EGFLAM: variants seen among roughly 807,000 people sequenced by gnomAD.
The protein encoded by EGFLAM is pikachurin.
In EGFLAM, 79 loss-of-function variants were observed where a neutral mutation model predicts 113.1. The ratio of observed to expected loss-of-function variants is 0.70; its 90% CI spans 0.58 to 0.84. The LOEUF is 0.84. EGFLAM is among the 40% of genes least tolerant of loss of function. The pLI, the probability that EGFLAM is intolerant of heterozygous loss-of-function variation, is 0.00. For synonymous variants in EGFLAM, 504 were observed against 487.6 expected (o/e 1.03, Z -0.44); for missense variants, 1,265 against 1,291.6 (o/e 0.98, Z 0.32).
chr5:38,305,356 C>A lies in EGFLAM; in HGVS notation c.98-32164C>A. 8.4e-6 allele frequency: 3 copies of A among 359,034 alleles called. No individual in the cohort carries two copies. The Middle Eastern group carries it at 1.1e-3, about 134-fold the overall frequency. 22.2% of individuals were successfully genotyped at this position (359,034 alleles called of 1,614,324 possible). A position where few individuals can be genotyped will look rare whatever the true frequency, so the allele number is the denominator to read the frequency against. ...GGAAAATTATTTCTAACCTAGAATTCCATACCCAGCCAAACTATCAATGAA... is the reference window on the plus strand; with the variant it reads ...GGAAAATTATTTCTAACCTAGAATTACATACCCAGCCAAACTATCAATGAA... On this transcript the variant is annotated intron_variant, in intron 1 of 21. Transcript: ENST00000322350.
chr5:38,344,633 G>A (rs1739429774), intron 3 of EGFLAM, among the ~76,000 whole-genome samples: 1 of 152,142 alleles, frequency 6.6e-6, no homozygotes, highest in African/African-American at 2.4e-5. Context: ...AATGAGATGT[G>A]CATTTACATT....
chr5:38,317,369 C>A (rs1202447827), intron 1 of EGFLAM, among the ~76,000 whole-genome samples: 1 of 152,136 alleles, frequency 6.6e-6, no homozygotes, highest in Non-Finnish European at 1.5e-5. Flanking sequence ...GGGTTGGAAG[C>A]AGGTTACATC....
chr5:38,270,254 G>A (rs1757735704), intron 1 of EGFLAM, among the ~76,000 whole-genome samples: 1 of 152,194 alleles, frequency 6.6e-6, no homozygotes, highest in South Asian at 2.1e-4. Context: ...CTTTTCAGAT[G>A]TCTTCTATGG....
chr5:38,350,631 C>T lies in EGFLAM; in HGVS notation c.409+13C>T, dbSNP rs762489708. The T allele has an allele frequency of 1.2e-6, 2 of 1,610,224 alleles. No homozygotes were observed. Among genetic ancestry groups the T allele is most frequent in the South Asian group, 1.1e-5 (1 of 90,454 alleles). ...ACTTTGTCCCAAGGTAAAGTAGGTT[C>T]AAATTCATTAATAGGTGGCAGGCTG... is the stretch of plus-strand genomic sequence containing the variant. On this transcript the variant is annotated intron_variant, in intron 4 of 21. Coordinates refer to ENST00000322350, the MANE Select transcript of EGFLAM (RefSeq NM_152403.4).
rs955095710 is a variant in EGFLAM at position 38,409,000 on chromosome 5, A to G, written c.1249-4A>G. 4 of 1,580,924 alleles carry G rather than the reference A, an allele frequency of 2.5e-6. No individual in the cohort carries two copies. In the African/African-American group the frequency reaches 5.4e-5, roughly 21 times the overall value. ...TCATGTGGCTTTTGTTTGTATAATC[A>G]CAGGCGGAGGCAGAGGATGGCTTAC... On this transcript the variant is annotated splice_region_variant and splice_polypyrimidine_tract_variant and intron_variant, in intron 9 of 21. Transcript: ENST00000322350.
intron 6 of EGFLAM, chr5:38,400,145 C>T (rs1048287772): frequency 1.3e-5 from 2 of 152,098 alleles, no homozygotes; most frequent in African/African-American, 4.8e-5. Flanking sequence ...TCAAGGTCAC[C>T]CAAGCCATTT....
At chr5:38,367,122 C>G (rs933000002) in intron 5 of EGFLAM, among the ~76,000 whole-genome samples, 34 of 152,064 alleles carry the variant, frequency 2.2e-4, no homozygotes, top group African/African-American at 8.0e-4. Flanking sequence ...GCAGTGTATG[C>G]CCTGCTGGTG....
At chr5:38,300,756 G>T (rs2111825002) in intron 1 of EGFLAM, among the ~76,000 whole-genome samples, 1 of 152,268 alleles carries the variant, frequency 6.6e-6, no homozygotes, top group South Asian at 2.1e-4. Context: ...GGAGGTAATT[G>T]CAGTAATCCA....
intron 1 of EGFLAM, among the ~76,000 whole-genome samples, chr5:38,273,535 T>C (rs1757816027): frequency 6.6e-6 from 1 of 152,232 alleles, no homozygotes; most frequent in Admixed American, 6.5e-5. Context: ...GCAGCAGCCT[T>C]AGCAGCCGTG....
chr5:38,390,349 T>C (rs928107840), intron 6 of EGFLAM, among the ~76,000 whole-genome samples: 7 of 152,222 alleles, frequency 4.6e-5, no homozygotes, highest in Non-Finnish European at 1.0e-4. Flanking sequence ...TATAACATTC[T>C]AGTGGATTCA....
chr5:38,424,227 A>T (rs2112182186), intron 12 of EGFLAM, among the ~76,000 whole-genome samples: 1 of 152,354 alleles, frequency 6.6e-6, no homozygotes, highest in African/African-American at 2.4e-5. Context: ...GATGACCTGC[A>T]CTTGAAAATG....
Position 38,428,220 on chromosome 5 carries a change from T to C in EGFLAM, c.2054+968T>C, listed in dbSNP as rs148003556. On this transcript the variant is annotated intron_variant, in intron 14 of 21. Transcript: ENST00000322350. ...TGTTTTCAATCTTTATCCATATTGC[T>C]AGACTGTCATGTTTAAAAAGAGTAT... Among the ~76,000 whole-genome samples the C allele has an allele frequency of 2.5e-3, 384 of 152,366 alleles. 2 individuals are homozygous for C. Among genetic ancestry groups the C allele is most frequent in the Middle Eastern group, 6.8e-3 (2 of 294 alleles).
intron 19 of EGFLAM, among the ~76,000 whole-genome samples, chr5:38,455,764 A>C (rs1316520890): frequency 6.6e-6 from 1 of 151,924 alleles, no homozygotes; most frequent in African/African-American, 2.4e-5. Context: ...TTCACGGTTG[A>C]CTCCCTAGAG....
chr5:38,439,833 T>G (rs1309075862), intron 17 of EGFLAM, among the ~76,000 whole-genome samples: 1 of 152,212 alleles, frequency 6.6e-6, no homozygotes, highest in Non-Finnish European at 1.5e-5. Context: ...ACATCAATGT[T>G]TGAATTTACT....
chr5:38,321,396 G>A lies in EGFLAM; in HGVS notation c.98-16124G>A, dbSNP rs1738736319. Among the ~76,000 whole-genome samples, 4 of 152,164 alleles carry A rather than the reference G, an allele frequency of 2.6e-5. No homozygotes were observed. The South Asian group carries it at 8.3e-4, about 32-fold the overall frequency. On this transcript the variant is annotated intron_variant, in intron 1 of 21. Coordinates refer to ENST00000322350, the MANE Select transcript of EGFLAM (RefSeq NM_152403.4). ...ACTCACCCACCACTCAACTCCTGCT[G>A]TGTGTTGCCCGGTTCCTAAAAGGCC...
In EGFLAM at chr5:38,425,044, T is replaced by C. The variant is rs1741953195; in HGVS notation, c.1762T>C (p.Tyr588His). Residue 588 changes from tyrosine (Y) to histidine (H), a missense_variant, in exon 13 of 22, where the codon TAC becomes CAC. Coordinates refer to ENST00000322350, the MANE Select transcript of EGFLAM (RefSeq NM_152403.4). ...GTCTAIKADS[Y>H]ICLCPLGFKG... ...CTGCACAGCAATCAAAGCCGACTCCTACATTTGCCTCTGTCCCCTTGGGTT... is the reference window on the plus strand; with the variant it reads ...CTGCACAGCAATCAAAGCCGACTCCCACATTTGCCTCTGTCCCCTTGGGTT... The C allele has an allele frequency of 6.2e-7, 1 of 1,614,138 alleles. No individual in the cohort carries two copies. The highest frequency in any genetic ancestry group is 8.5e-7 in the Non-Finnish European group (1 of 1,179,998).
intron 6 of EGFLAM, among the ~76,000 whole-genome samples, chr5:38,382,879 A>C (rs1226674347): frequency 6.6e-6 from 1 of 152,152 alleles, no homozygotes; most frequent in Non-Finnish European, 1.5e-5. Context: ...CCATATTTTA[A>C]AATGTGATTG....
At chr5:38,393,129 A>G (rs1485385460) in intron 6 of EGFLAM, among the ~76,000 whole-genome samples, 4 of 152,220 alleles carry the variant, frequency 2.6e-5, no homozygotes, top group Non-Finnish European at 4.4e-5. Flanking sequence ...TTGGATTTTA[A>G]AAATGAAAAT....
chr5:38,310,446 G>C (rs1738402043), intron 1 of EGFLAM, among the ~76,000 whole-genome samples: 1 of 152,120 alleles, frequency 6.6e-6, no homozygotes, highest in Non-Finnish European at 1.5e-5. Flanking sequence ...GTCAGACCCT[G>C]TGTGACACAG....
Sources: gnomAD v4.1 joint callset for allele counts (sites outside exome capture counted in the v4.1 genomes callset) on GRCh38, gnomAD v4.1.1 for gene constraint, MANE v1.5 for transcripts, NCBI Gene and HGNC (gene_info 2026-07-23, HGNC 2026-07-21) for gene names.